NFIB: variants seen among roughly 807,000 people sequenced by gnomAD.
The protein encoded by NFIB is nuclear factor 1 B-type.
NFIB carries 11 observed loss-of-function variants against 61.5 expected under a neutral mutation model. The observed-to-expected ratio is 0.18, with a 90% CI of 0.11 to 0.30. NFIB has a LOEUF of 0.30. Among genes scored for constraint, NFIB ranks in the 10% least tolerant of loss-of-function variants. The probability of loss-of-function intolerance (pLI) is 1.00; values close to 1 mark genes in which losing one functional copy is unlikely to be tolerated. For synonymous variants in NFIB, 260 were observed against 216.5 expected (o/e 1.20, Z -1.76); for missense variants, 471 against 608.9 (o/e 0.77, Z 2.38).
chr9:14,231,086 T>G (rs2053078135), intron 2 of NFIB, among the ~76,000 whole-genome samples: 1 of 134,776 alleles, frequency 7.4e-6, no homozygotes, highest in Non-Finnish European at 1.6e-5. Context: ...ACAACAGGGA[T>G]ATCTGAGTCC....
At chr9:14,487,369 C>T in the NFIB span, among the ~76,000 whole-genome samples, 1 of 152,182 alleles carries the variant, frequency 6.6e-6, no homozygotes. Flanking sequence ...TTAGGGAAAG[C>T]ATGTAACTGG....
intron 2 of NFIB, among the ~76,000 whole-genome samples, chr9:14,248,065 T>A (rs1332213738): frequency 6.6e-6 from 1 of 151,914 alleles, no homozygotes; most frequent in Non-Finnish European, 1.5e-5. Flanking sequence ...CCTGAGTAGC[T>A]GGGACTAAAG....
At chr9:14,181,428 T>C (rs900532968) in intron 2 of NFIB, among the ~76,000 whole-genome samples, 3 of 152,098 alleles carry the variant, frequency 2.0e-5, no homozygotes, top group African/African-American at 7.2e-5. Context: ...TCTCTGAAAA[T>C]CTCTCTCATC....
chr9:14,250,805 A>G (rs1329497798), intron 2 of NFIB, among the ~76,000 whole-genome samples: 2 of 152,224 alleles, frequency 1.3e-5, no homozygotes, highest in Non-Finnish European at 1.5e-5. Context: ...TTTTCTAGTA[A>G]AAGATAACCA....
the NFIB span, among the ~76,000 whole-genome samples, chr9:14,441,695 G>A: frequency 6.6e-6 from 1 of 151,968 alleles, no homozygotes; most frequent in African/African-American, 2.4e-5. Context: ...GACCTCAGGA[G>A]AGGGCCTCCT....
the NFIB span, among the ~76,000 whole-genome samples, chr9:14,475,562 C>A: frequency 6.6e-6 from 1 of 152,114 alleles, no homozygotes; most frequent in African/African-American, 2.4e-5. Flanking sequence ...TCCTCCTTGA[C>A]CCCTGCAGCG....
intron 1 of NFIB, among the ~76,000 whole-genome samples, chr9:14,329,942 T>A (rs945180246): frequency 6.6e-6 from 1 of 151,612 alleles, no homozygotes; most frequent in Non-Finnish European, 1.5e-5. Flanking sequence ...GCTAATACGG[T>A]GAAACCCCGT....
At chr9:14,434,025 G>C in the NFIB span, among the ~76,000 whole-genome samples, 1 of 152,212 alleles carries the variant, frequency 6.6e-6, no homozygotes, top group Non-Finnish European at 1.5e-5. Flanking sequence ...CTACTGAAGA[G>C]CTGAGCACTA....
At chr9:14,324,789 G>A (rs970973537) in intron 1 of NFIB, among the ~76,000 whole-genome samples, 10 of 151,982 alleles carry the variant, frequency 6.6e-5, no homozygotes, top group Non-Finnish European at 1.3e-4. Context: ...TTTGACATGT[G>A]AAGCTTATAA....
intron 3 of NFIB, among the ~76,000 whole-genome samples, chr9:14,167,150 G>A (rs1339148819): frequency 1.3e-5 from 2 of 150,182 alleles, no homozygotes; most frequent in African/African-American, 4.9e-5. Context: ...ACAGAAAACA[G>A]ATCAATAAGT....
At chr9:14,269,965 A>G (rs2057482598) in intron 2 of NFIB, among the ~76,000 whole-genome samples, 1 of 152,210 alleles carries the variant, frequency 6.6e-6, no homozygotes, top group South Asian at 2.1e-4. Context: ...TTAATTTTAC[A>G]TTATATATTT....
chr9:14,487,119 T>G, the NFIB span, among the ~76,000 whole-genome samples: 1 of 152,204 alleles, frequency 6.6e-6, no homozygotes, highest in Non-Finnish European at 1.5e-5. Flanking sequence ...TTTATGAGCC[T>G]GAAAGACGTC....
At position 14,201,977 on chromosome 9, in the gene NFIB, A is replaced by C. The variant is rs569172098; in HGVS notation, c.563-22197T>G. ...CTCAGTCTACAACAGTCAATAAAAGATGATTTGTTCTTGTCTTCATGGAGC... is the reference window on the plus strand; with the variant it reads ...CTCAGTCTACAACAGTCAATAAAAGCTGATTTGTTCTTGTCTTCATGGAGC... On this transcript the variant is annotated intron_variant, in intron 2 of 10. Transcript: ENST00000380953. Among the ~76,000 whole-genome samples the C allele has an allele frequency of 1.1e-4, 17 of 152,308 alleles. No individual in the cohort carries two copies. The South Asian group carries it at 3.3e-3, about 30-fold the overall frequency.
intron 10 of NFIB, among the ~76,000 whole-genome samples, chr9:14,091,175 T>G (rs1241281447): frequency 6.6e-6 from 1 of 151,900 alleles, no homozygotes; most frequent in Non-Finnish European, 1.5e-5. Flanking sequence ...TATATGAGTT[T>G]TACAAGTCTC....
chr9:14,355,897 C>A lies in NFIB; in HGVS notation c.108+42627G>T, dbSNP rs944816791. ...GCATGAACCCGGGAGGCGGAGCTTG[C>A]AGTGAGCTGAGATCACGCCACTGCA... On this transcript the variant is annotated intron_variant, in intron 1 of 8. Transcript: ENST00000380934. Among the ~76,000 whole-genome samples the A allele has an allele frequency of 2.6e-5, 4 of 151,614 alleles. No homozygotes were observed. The South Asian group carries it at 8.3e-4, about 32-fold the overall frequency.
At chr9:14,298,407 G>C (rs1023070194) in intron 2 of NFIB, among the ~76,000 whole-genome samples, 1 of 152,070 alleles carries the variant, frequency 6.6e-6, no homozygotes, top group Non-Finnish European at 1.5e-5. Flanking sequence ...AATATAAAAA[G>C]CTGAAAAGTC....
intron 7 of NFIB, among the ~76,000 whole-genome samples, chr9:14,123,775 C>T (rs1205433269): frequency 6.6e-6 from 1 of 151,910 alleles, no homozygotes; most frequent in African/African-American, 2.4e-5. Context: ...GTTTGCCCCT[C>T]TGCCTCCCAG....
At chr9:14,472,105 A>G in the NFIB span, among the ~76,000 whole-genome samples, 1 of 152,218 alleles carries the variant, frequency 6.6e-6, no homozygotes, top group African/African-American at 2.4e-5. Context: ...TGTCTTGGTC[A>G]ATGGATTACC....
intron 2 of NFIB, among the ~76,000 whole-genome samples, chr9:14,202,878 A>G (rs1013330424): frequency 6.6e-6 from 1 of 152,212 alleles, no homozygotes; most frequent in African/African-American, 2.4e-5. Flanking sequence ...AAAACGATCT[A>G]TTGACTAGCT....
Sources: gnomAD v4.1 joint callset for allele counts (sites outside exome capture counted in the v4.1 genomes callset) on GRCh38, gnomAD v4.1.1 for gene constraint, MANE v1.5 for transcripts, NCBI Gene and HGNC (gene_info 2026-07-23, HGNC 2026-07-21) for gene names.